Variants in ZCCHC7 observed in about 807,000 individuals in gnomAD.
ZCCHC7 encodes the protein zinc finger CCHC-type containing 7.
Under a neutral mutation model 52.0 loss-of-function variants are expected in ZCCHC7, and 35 were observed. That is an observed-to-expected ratio of 0.67 (90% confidence interval 0.51 to 0.89). The LOEUF (loss-of-function observed/expected upper bound fraction) is 0.89, where lower values mean the gene tolerates loss of function less well. Ranked by LOEUF, ZCCHC7 falls within the 40% of genes least tolerant of loss-of-function variation. The pLI is 0.00. For missense variants in ZCCHC7, 574 were observed against 649.1 expected (o/e 0.88, Z 1.26); for synonymous variants, 217 against 221.5 (o/e 0.98, Z 0.18).
intron 2 of ZCCHC7, among the ~76,000 whole-genome samples, chr9:37,131,651 GA>G (rs376465814): frequency 0.012 from 1,892 of 151,628 alleles, 29 homozygotes; most frequent in Non-Finnish European, 0.022. Context: ...GTCTCAAAAA[GA>G]AAAAGAAAAA....
chr9:37,313,177 A>G (rs1452455604), intron 5 of ZCCHC7, among the ~76,000 whole-genome samples: 1 of 152,182 alleles, frequency 6.6e-6, no homozygotes. Flanking sequence ...CAACATTTTA[A>G]TGTTATTTAT....
intron 2 of ZCCHC7, among the ~76,000 whole-genome samples, chr9:37,133,747 C>G (rs1842887156): frequency 6.6e-6 from 1 of 152,108 alleles, no homozygotes; most frequent in Non-Finnish European, 1.5e-5. Context: ...AGCCACCACG[C>G]CCAGCTAATT....
chr9:37,229,332 ATG>A (rs560173525), intron 2 of ZCCHC7, among the ~76,000 whole-genome samples: 2 of 152,108 alleles, frequency 1.3e-5, no homozygotes, highest in Non-Finnish European at 2.9e-5. Flanking sequence ...GTATAGTCAT[ATG>A]TCACTTACTG....
At chr9:37,156,285 G>A (rs922410528) in intron 2 of ZCCHC7, among the ~76,000 whole-genome samples, 12 of 152,094 alleles carry the variant, frequency 7.9e-5, no homozygotes, top group African/African-American at 2.9e-4. Context: ...CTCCAGATGC[G>A]TGAATTGACA....
intron 2 of ZCCHC7, among the ~76,000 whole-genome samples, chr9:37,184,927 T>C (rs1209875476): frequency 2.0e-5 from 3 of 152,186 alleles, no homozygotes; most frequent in Admixed American, 6.5e-5. Context: ...ATGGCAATAG[T>C]CCCTGAGGAC....
intron 2 of ZCCHC7, among the ~76,000 whole-genome samples, chr9:37,184,346 T>C (rs936121012): frequency 5.3e-5 from 8 of 151,284 alleles, no homozygotes; most frequent in Admixed American, 1.3e-4. Flanking sequence ...CTGTTTTACT[T>C]AACTCCTTAG....
rs1827772489 is a variant in ZCCHC7 at position 37,278,039 on chromosome 9, T to TG, written c.611-24149_611-24148insG. ...TTGTGTGTGTGTGTGTGTGTGTGTT[T>TG]TGTTTTGTTTTGTTTTGTTTTGTTT... On this transcript the variant is annotated intron_variant, in intron 2 of 8. Coordinates refer to ENST00000336755, the MANE Select transcript of ZCCHC7 (RefSeq NM_032226.3). Among the ~76,000 whole-genome samples, 6 of 92,720 alleles carry TG rather than the reference T, an allele frequency of 6.5e-5. 1 individual carries two copies. The highest frequency in any genetic ancestry group is 6.0e-4 in the Admixed American group (6 of 9,996). The allele number at this position is 92,720 out of a possible 152,430, so 60.8% of individuals were successfully genotyped here.
At chr9:37,295,935 A>G (rs1238822865) in intron 2 of ZCCHC7, among the ~76,000 whole-genome samples, 1 of 152,194 alleles carries the variant, frequency 6.6e-6, no homozygotes, top group Non-Finnish European at 1.5e-5. Flanking sequence ...GACAAGAGAT[A>G]GGAAAGCATT....
In ZCCHC7 at chr9:37,274,335, T is replaced by C. The variant is rs980504219; in HGVS notation, c.611-27853T>C. ...GAAAATTACCATATCTAATTTCTTT[T>C]TTTTTTTTTTTTTTTTTTTTTTGAG... On this transcript the variant is annotated intron_variant, in intron 2 of 8. Coordinates refer to ENST00000336755, the MANE Select transcript of ZCCHC7 (RefSeq NM_032226.3). Among the ~76,000 whole-genome samples the C allele has an allele frequency of 4.8e-3, 634 of 131,950 alleles. 3 individuals are homozygous for C. The highest frequency in any genetic ancestry group is 0.01 in the Admixed American group (138 of 13,310). 86.6% of individuals were successfully genotyped at this position (131,950 alleles called of 152,430 possible).
Position 37,357,211 on chromosome 9 carries a change from GGAAGATGAT to G in ZCCHC7, c.1578_1586del (p.Glu526_Asp528del). ...AGCAGAAGAAAAAGGAGAGGTGCTG[GGAAGATGAT>G]GACAATGATAACTTATTTCTTATTA... On this transcript the variant is annotated inframe_deletion, in exon 9 of 9. Transcript: ENST00000336755. 1 of 1,611,148 alleles carries G rather than the reference GGAAGATGAT, an allele frequency of 6.2e-7. No individual in the cohort carries two copies. Among genetic ancestry groups the G allele is most frequent in the South Asian group, 1.1e-5 (1 of 90,480 alleles).
At chr9:37,152,165 A>G (rs541147156) in intron 2 of ZCCHC7, among the ~76,000 whole-genome samples, 1 of 152,154 alleles carries the variant, frequency 6.6e-6, no homozygotes, top group Non-Finnish European at 1.5e-5. Context: ...AAAATTAAAT[A>G]ACTTGCTTTG....
chr9:37,308,844 G>A (rs1402808237), intron 5 of ZCCHC7, among the ~76,000 whole-genome samples: 6 of 151,994 alleles, frequency 3.9e-5, no homozygotes, highest in Admixed American at 6.6e-5. Flanking sequence ...AGCTGGGCGT[G>A]GTGGTACACA....
At chr9:37,191,402 T>C (rs1823015301) in intron 2 of ZCCHC7, among the ~76,000 whole-genome samples, 1 of 152,198 alleles carries the variant, frequency 6.6e-6, no homozygotes, top group African/African-American at 2.4e-5. Context: ...TTCTCCTTTC[T>C]CTTTTATATT....
chr9:37,131,474 C>T (rs972148105), intron 2 of ZCCHC7, among the ~76,000 whole-genome samples: 9 of 151,786 alleles, frequency 5.9e-5, no homozygotes, highest in African/African-American at 1.7e-4. Flanking sequence ...GGTGAAACCC[C>T]GTCTCTACTA....
At chr9:37,274,331 C>CTTTTTTTTTTTTTT in intron 2 of ZCCHC7, among the ~76,000 whole-genome samples, 1 of 76,670 alleles carries the variant, frequency 1.3e-5, no homozygotes, top group Non-Finnish European at 2.4e-5. Context: ...TATCTAATTT[C>CTTTTTTTTTTTTTT]TTTTTTTTTT....
At chr9:37,293,794 T>TTC (rs149443803) in intron 2 of ZCCHC7, among the ~76,000 whole-genome samples, 1 of 151,538 alleles carries the variant, frequency 6.6e-6, no homozygotes, top group South Asian at 2.1e-4. Context: ...AGATGAGGCC[T>TTC]TCTCTCTCTC....
intron 6 of ZCCHC7, among the ~76,000 whole-genome samples, chr9:37,339,408 C>CT (rs1324720952): frequency 1.3e-5 from 2 of 152,124 alleles, no homozygotes; most frequent in Non-Finnish European, 2.9e-5. Flanking sequence ...CAGTTTTTGG[C>CT]TTTTTTGTAA....
chr9:37,341,584 T>C (rs1820640593), intron 6 of ZCCHC7, among the ~76,000 whole-genome samples: 1 of 152,134 alleles, frequency 6.6e-6, no homozygotes, highest in Non-Finnish European at 1.5e-5. Context: ...ATGTCAGATA[T>C]GATAAGTGCC....
At chr9:37,270,433 G>A (rs918330669) in intron 2 of ZCCHC7, among the ~76,000 whole-genome samples, 1 of 152,018 alleles carries the variant, frequency 6.6e-6, no homozygotes, top group African/African-American at 2.4e-5. Flanking sequence ...GCTCATGCCT[G>A]TAATCACAGC....
Sources: gnomAD v4.1 joint callset for allele counts (sites outside exome capture counted in the v4.1 genomes callset) on GRCh38, gnomAD v4.1.1 for gene constraint, MANE v1.5 for transcripts, NCBI Gene and HGNC (gene_info 2026-07-23, HGNC 2026-07-21) for gene names.